The following CCDC40 variants were observed in gnomAD, a reference collection of about 807,000 sequenced individuals.
The protein encoded by CCDC40 is coiled-coil domain-containing protein 40.
CCDC40 carries 104 observed loss-of-function variants against 124.5 expected under a neutral mutation model. That is an observed-to-expected ratio of 0.84 (90% confidence interval 0.71 to 0.98). The LOEUF (loss-of-function observed/expected upper bound fraction) is 0.98. CCDC40 is among the 50% of genes least tolerant of loss of function. The pLI is 0.00. For synonymous variants in CCDC40, 580 were observed against 602.9 expected (o/e 0.96, Z 0.56); for missense variants, 1,463 against 1,503.9 (o/e 0.97, Z 0.45).
At chr17:80,065,923 G>C (rs1324755311) in intron 10 of CCDC40, among the ~76,000 whole-genome samples, 1 of 152,196 alleles carries the variant, frequency 6.6e-6, no homozygotes, top group Non-Finnish European at 1.5e-5. Flanking sequence ...TTGATTTGCA[G>C]TATCACCACC....
chr17:80,056,281 G>T (rs8080597), intron 7 of CCDC40, among the ~76,000 whole-genome samples: 50,149 of 151,154 alleles, frequency 0.33, 10,937 homozygotes, highest in African/African-American at 0.63. Context: ...TTCCTCGCTT[G>T]CTGTCCCTTA....
intron 10 of CCDC40, chr17:80,067,954 C>T (rs779283571): frequency 3.9e-5 from 44 of 1,133,720 alleles, no homozygotes; most frequent in Middle Eastern, 7.7e-4. Context: ...CACTTCACAA[C>T]GAGTGAGAGA....
chr17:80,070,054 G>A (rs964171699), intron 10 of CCDC40, among the ~76,000 whole-genome samples: 2 of 152,228 alleles, frequency 1.3e-5, no homozygotes, highest in East Asian at 1.9e-4. Flanking sequence ...GGCTCAGCTC[G>A]GTCTGGTGTA....
chr17:80,039,874 TC>T lies in CCDC40; in HGVS notation c.158del (p.Pro53LeufsTer114). 6.2e-7 allele frequency: 1 copy of T among 1,613,684 alleles called. No individual in the cohort carries two copies. The highest frequency in any genetic ancestry group is 8.5e-7 in the Non-Finnish European group (1 of 1,179,944). On this transcript the variant is annotated frameshift_variant, in exon 3 of 20. Coordinates refer to ENST00000397545, the MANE Select transcript of CCDC40 (RefSeq NM_017950.4). LOFTEE classifies it high-confidence loss of function. ...GEEAVGSTEH[P>X]EEVTTQAEAA... ...AAGAAGCTGTCGGTAGCACAGAGCA[TC>T]CTGAGGAAGTCACAACCCAAGCGGA...
In CCDC40 at chr17:80,099,870, C is replaced by T; in HGVS notation, c.*95C>T. On this transcript the variant is annotated 3_prime_UTR_variant, in exon 20 of 20. Transcript: ENST00000397545. Reference sequence around the variant, plus strand: ...TTGGAATCTTTTGTGTTCCTAAAAACCACATGTACCCTCAGAAGGGCATCG... The same window carrying T: ...TTGGAATCTTTTGTGTTCCTAAAAATCACATGTACCCTCAGAAGGGCATCG... 7.3e-7 allele frequency: 1 copy of T among 1,368,476 alleles called. No homozygotes were observed. Among genetic ancestry groups the T allele is most frequent in the South Asian group, 1.2e-5 (1 of 82,418 alleles). The allele number at this position is 1,368,476 out of a possible 1,614,324, so 84.8% of individuals were successfully genotyped here.
Position 80,086,320 on chromosome 17 carries a change from C to A in CCDC40, c.2449+104C>A. The A allele has an allele frequency of 2.2e-6, 2 of 919,188 alleles. No homozygotes were observed. Among genetic ancestry groups the A allele is most frequent in the African/African-American group, 1.6e-5 (1 of 60,766 alleles). The allele number at this position is 919,188 out of a possible 1,614,324, so 56.9% of individuals were successfully genotyped here. A position where few individuals can be genotyped will look rare whatever the true frequency, so the allele number is the denominator to read the frequency against. On this transcript the variant is annotated intron_variant, in intron 14 of 19. Coordinates refer to ENST00000397545, the MANE Select transcript of CCDC40 (RefSeq NM_017950.4). The surrounding 1 kb of genome is among the most constrained non-coding windows in gnomAD (Gnocchi z 5.5). Reference sequence around the variant, plus strand: ...TCAGTGGGGCACGTCGCTGGATTTGCACGCAGCCTTAAAAGCAAATAACAA... The same window carrying A: ...TCAGTGGGGCACGTCGCTGGATTTGAACGCAGCCTTAAAAGCAAATAACAA...
chr17:80,084,472 A>G (rs1198580943), intron 12 of CCDC40, among the ~76,000 whole-genome samples: 1 of 152,170 alleles, frequency 6.6e-6, no homozygotes, highest in African/African-American at 2.4e-5. Flanking sequence ...TCAAGATGAG[A>G]TGTGAGTGGG....
At chr17:80,038,712 C>G (rs1239350653) in intron 2 of CCDC40, among the ~76,000 whole-genome samples, 1 of 152,024 alleles carries the variant, frequency 6.6e-6, no homozygotes, top group African/African-American at 2.4e-5. Flanking sequence ...GTAGTCCCAG[C>G]TACTCGGGAG....
chr17:80,067,462 C>T (rs1347795254), intron 10 of CCDC40: 1 of 820,218 alleles, frequency 1.2e-6, no homozygotes, highest in East Asian at 2.7e-5. Context: ...GGGAGCACAC[C>T]ACACTCACTG....
At chr17:80,043,574 A>G (rs1264175735) in intron 3 of CCDC40, among the ~76,000 whole-genome samples, 1 of 147,740 alleles carries the variant, frequency 6.8e-6, no homozygotes, top group Non-Finnish European at 1.5e-5. Flanking sequence ...TCTCACCTCC[A>G]TAAGGAGTCC....
chr17:80,049,096 C>A (rs2037509778), intron 5 of CCDC40, among the ~76,000 whole-genome samples: 1 of 152,038 alleles, frequency 6.6e-6, no homozygotes, highest in Non-Finnish European at 1.5e-5. Context: ...TGGTTGTGAT[C>A]ATCAAAAATG....
chr17:80,052,413 A>C (rs1423108264), intron 7 of CCDC40, among the ~76,000 whole-genome samples: 4 of 152,166 alleles, frequency 2.6e-5, no homozygotes, highest in Non-Finnish European at 5.9e-5. Context: ...CTCTAGCCGC[A>C]CTGTCAGCTG....
chr17:80,061,072 A>G (rs1203789784), intron 9 of CCDC40, among the ~76,000 whole-genome samples: 1 of 152,188 alleles, frequency 6.6e-6, no homozygotes, highest in East Asian at 1.9e-4. Context: ...GGGGCCGGGT[A>G]AGGTGGCTCA....
Position 80,087,870 on chromosome 17 carries a change from CACA to C in CCDC40, c.2619+95_2619+97del, listed in dbSNP as rs2038621333. On this transcript the variant is annotated intron_variant, in intron 15 of 19. Transcript: ENST00000397545. The surrounding 1 kb of genome is among the most constrained non-coding windows in gnomAD (Gnocchi z 4.5). ...GCGTTCTGCACCAGGATGTAATTTC[CACA>C]CCCGTTCAAGATGCTTGTAGGGGTA... is the stretch of plus-strand genomic sequence containing the variant. 5.2e-6 allele frequency: 7 copies of C among 1,341,380 alleles called. No homozygotes were observed. The South Asian group carries it at 8.2e-5, about 16-fold the overall frequency. The allele number at this position is 1,341,380 out of a possible 1,614,324, so 83.1% of individuals were successfully genotyped here.
intron 7 of CCDC40, among the ~76,000 whole-genome samples, chr17:80,057,600 G>A (rs2037782032): frequency 6.6e-6 from 1 of 152,034 alleles, no homozygotes; most frequent in Non-Finnish European, 1.5e-5. Context: ...CTCATGGCCG[G>A]GCGCGGTGGC....
chr17:80,094,808 A>G (rs1598553086), intron 17 of CCDC40, among the ~76,000 whole-genome samples: 1 of 152,028 alleles, frequency 6.6e-6, no homozygotes, highest in Admixed American at 6.6e-5. Context: ...GTTCCTGTGC[A>G]CCCCCGCAGC....
intron 17 of CCDC40, 50 bp from the exon 18 acceptor site, chr17:80,095,213 G>C (rs967977423): frequency 6.3e-7 from 1 of 1,577,924 alleles, no homozygotes; most frequent in Non-Finnish European, 8.7e-7. Flanking sequence ...TCTCTCTGCA[G>C]CTGCAGCTCA....
chr17:80,061,281 A>T (rs997894904), intron 9 of CCDC40, among the ~76,000 whole-genome samples: 2 of 152,164 alleles, frequency 1.3e-5, no homozygotes, highest in Non-Finnish European at 2.9e-5. Context: ...AGGAGGCAGA[A>T]GTTGCAGTGA....
At chr17:80,044,124 A>T (rs2037353348) in intron 3 of CCDC40, among the ~76,000 whole-genome samples, 1 of 152,154 alleles carries the variant, frequency 6.6e-6, no homozygotes, top group Admixed American at 6.6e-5. Flanking sequence ...GATTGTGCCC[A>T]TTGTACAGAT....
Sources: allele counts gnomAD v4.1 joint callset (sites outside exome capture counted in the v4.1 genomes callset), GRCh38; gene constraint gnomAD v4.1.1; non-coding constraint Gnocchi (gnomAD v3.1); transcripts MANE v1.5; gene names NCBI Gene and HGNC (gene_info 2026-07-23, HGNC 2026-07-21).